SNAP23: variants seen among roughly 807,000 people sequenced by gnomAD.
SNAP23 encodes the protein synaptosomal-associated protein 23.
In SNAP23, 11 loss-of-function variants were observed where a neutral mutation model predicts 29.0. The ratio of observed to expected loss-of-function variants is 0.38; its 90% CI spans 0.24 to 0.63. The LOEUF is 0.63. SNAP23 is among the 20% of genes least tolerant of loss of function. SNAP23 has a pLI of 0.58. For synonymous variants in SNAP23, 60 were observed against 82.9 expected (o/e 0.72, Z 1.50); for missense variants, 220 against 253.9 (o/e 0.87, Z 0.91).
intron 5 of SNAP23, among the ~76,000 whole-genome samples, chr15:42,526,341 T>G (rs1438496806): frequency 6.6e-6 from 1 of 152,174 alleles, no homozygotes; most frequent in Non-Finnish European, 1.5e-5. Flanking sequence ...AATAAATAAA[T>G]GGGTTAATTA....
chr15:42,509,192 G>C (rs1006183554), intron 1 of SNAP23, among the ~76,000 whole-genome samples: 15 of 152,098 alleles, frequency 9.9e-5, no homozygotes, highest in Admixed American at 7.9e-4. Flanking sequence ...AGTGACAAAA[G>C]AGGAACAGTA....
At chr15:42,529,600 C>T (rs1362827851) in intron 6 of SNAP23, 75 bp from the exon 7 acceptor site, 1 of 1,516,980 alleles carries the variant, frequency 6.6e-7, no homozygotes, top group Non-Finnish European at 9.0e-7. Flanking sequence ...TGGTTACTTA[C>T]TTTTGTGAAA....
At chr15:42,522,266 G>A (rs1369452555) in intron 5 of SNAP23, among the ~76,000 whole-genome samples, 4 of 152,088 alleles carry the variant, frequency 2.6e-5, no homozygotes, top group African/African-American at 9.7e-5. Flanking sequence ...ACCATATCTG[G>A]TATCTTCTTT....
chr15:42,521,475 A>C (rs2057449000), intron 5 of SNAP23: 1 of 1,342,794 alleles, frequency 7.4e-7, no homozygotes. Flanking sequence ...GTTTCTATGA[A>C]ACCAGGCAGG....
In SNAP23 at chr15:42,503,368, A is replaced by AT. The variant is rs5812222; in HGVS notation, c.-15+7674dup. On this transcript the variant is annotated intron_variant, in intron 1 of 7. Transcript: ENST00000249647. ...AGGTGCCCGCCACCACGCCTGGCTAATTTTTTTTTTTTTTTTTTTGAGATG... is the reference window on the plus strand; with the variant it reads ...AGGTGCCCGCCACCACGCCTGGCTAATTTTTTTTTTTTTTTTTTTTGAGATG... Among the ~76,000 whole-genome samples the AT allele has an allele frequency of 8.8e-4, 102 of 116,280 alleles. 1 individual carries two copies. Among genetic ancestry groups the AT allele is most frequent in the African/African-American group, 2.2e-3 (70 of 32,060 alleles). 76.3% of individuals were successfully genotyped at this position (116,280 alleles called of 152,430 possible).
At chr15:42,520,341 G>C (rs936892441) in intron 5 of SNAP23, among the ~76,000 whole-genome samples, 1 of 149,058 alleles carries the variant, frequency 6.7e-6, no homozygotes, top group Non-Finnish European at 1.5e-5. Context: ...GAGCCACCGC[G>C]CACAGCCCAC....
intron 7 of SNAP23, 112 bp from the exon 8 acceptor site, chr15:42,531,301 C>A: frequency 1.6e-6 from 1 of 610,696 alleles, no homozygotes; most frequent in Non-Finnish European, 2.7e-6. Context: ...TGTAATGTAA[C>A]TTCACGTGGT....
chr15:42,496,758 A>G (rs2057222956), intron 1 of SNAP23, among the ~76,000 whole-genome samples: 1 of 152,060 alleles, frequency 6.6e-6, no homozygotes, highest in African/African-American at 2.4e-5. Context: ...AGACTGGGTA[A>G]TTTATAAAGG....
intron 1 of SNAP23, among the ~76,000 whole-genome samples, chr15:42,510,978 C>T (rs188971762): frequency 2.0e-5 from 3 of 152,162 alleles, no homozygotes; most frequent in Admixed American, 2.0e-4. Context: ...TGTCATTGAC[C>T]GTGAGTTTTG....
At chr15:42,524,315 GA>G (rs1387538191) in intron 5 of SNAP23, among the ~76,000 whole-genome samples, 3 of 152,096 alleles carry the variant, frequency 2.0e-5, no homozygotes, top group Admixed American at 2.0e-4. Flanking sequence ...ATGTGTATTG[GA>G]GTAGAATCTT....
intron 2 of SNAP23, 77 bp downstream of exon 2, chr15:42,511,980 G>A: frequency 2.1e-6 from 2 of 936,982 alleles, no homozygotes; most frequent in South Asian, 3.7e-5. Flanking sequence ...CCTTCTTAGG[G>A]ACATTTTGGC....
intron 7 of SNAP23, among the ~76,000 whole-genome samples, chr15:42,530,514 C>G (rs2057553535): frequency 6.6e-6 from 1 of 152,156 alleles, no homozygotes. Context: ...AATCTCAACA[C>G]TTTGAGAGGC....
chr15:42,492,459 C>G (rs1354400577), upstream of SNAP23, among the ~76,000 whole-genome samples: 1 of 151,914 alleles, frequency 6.6e-6, no homozygotes. Flanking sequence ...GTGGGCAGAT[C>G]ATGAGGTCCA....
chr15:42,527,872 G>T (rs2057518422), intron 5 of SNAP23: 1 of 162,970 alleles, frequency 6.1e-6, no homozygotes, highest in Admixed American at 5.8e-5. Flanking sequence ...CTTTTCTAAG[G>T]GACCTTTTTT....
At chr15:42,518,643 C>A (rs1177874704) in intron 5 of SNAP23, among the ~76,000 whole-genome samples, 1 of 151,670 alleles carries the variant, frequency 6.6e-6, no homozygotes, top group African/African-American at 2.4e-5. Flanking sequence ...GGTCTTGAAC[C>A]CTTGGGCTCA....
At chr15:42,526,620 C>A (rs1197774284) in intron 5 of SNAP23, among the ~76,000 whole-genome samples, 1 of 152,112 alleles carries the variant, frequency 6.6e-6, no homozygotes, top group African/African-American at 2.4e-5. Context: ...AATTTTAAAA[C>A]TTCCTTATTA....
At chr15:42,513,189 G>C (rs1399832315) in intron 3 of SNAP23, 193 bp downstream of exon 3, 4 of 743,268 alleles carry the variant, frequency 5.4e-6, no homozygotes, top group Non-Finnish European at 9.7e-6. Context: ...GAATATGACA[G>C]GGAAGATGAA....
intron 7 of SNAP23, among the ~76,000 whole-genome samples, chr15:42,530,474 C>T (rs967415963): frequency 6.6e-6 from 1 of 152,128 alleles, no homozygotes; most frequent in Admixed American, 6.5e-5. Flanking sequence ...TAAAGTCATA[C>T]CTTGGCCAAC....
intron 5 of SNAP23, among the ~76,000 whole-genome samples, chr15:42,526,838 A>T (rs867152773): frequency 1.1e-4 from 15 of 137,632 alleles, no homozygotes; most frequent in African/African-American, 4.0e-4. Context: ...TAGACTTATG[A>T]TTTTTTTTTT....
Sources: allele counts gnomAD v4.1 joint callset (sites outside exome capture counted in the v4.1 genomes callset), GRCh38; gene constraint gnomAD v4.1.1; transcripts MANE v1.5; gene names NCBI Gene and HGNC (gene_info 2026-07-23, HGNC 2026-07-21).